Variants in SPAM1 observed in about 807,000 individuals in gnomAD.
SPAM1 encodes the protein hyaluronidase PH-20.
Under a neutral mutation model 29.6 loss-of-function variants are expected in SPAM1, and 22 were observed. That is an observed-to-expected ratio of 0.74 (90% CI 0.53 to 1.06). SPAM1 has a LOEUF of 1.06. SPAM1 is among the 50% of genes least tolerant of loss of function. SPAM1 has a pLI of 0.00. For missense variants in SPAM1, 534 were observed against 604.0 expected (o/e 0.88, Z 1.21); for synonymous variants, 194 against 204.6 (o/e 0.95, Z 0.44).
chr7:123,968,596 C>G (rs539244152), intron 5 of SPAM1, among the ~76,000 whole-genome samples: 22 of 151,640 alleles, frequency 1.5e-4, no homozygotes, highest in African/African-American at 5.3e-4. Context: ...GGTATCTTGA[C>G]AATTTTTTTT....
At chr7:123,928,758 T>C (rs886275943) in intron 1 of SPAM1, among the ~76,000 whole-genome samples, 1 of 152,168 alleles carries the variant, frequency 6.6e-6, no homozygotes, top group Non-Finnish European at 1.5e-5. Flanking sequence ...GAGAGATTGT[T>C]TAAGCTTTCC....
intron 1 of SPAM1, chr7:123,947,578 C>CACACACACA (rs1808620142): frequency 6.8e-6 from 1 of 147,648 alleles, no homozygotes; most frequent in African/African-American, 2.5e-5. Context: ...GATTAAAACA[C>CACACACACA]CACACACACA....
chr7:123,937,669 G>C (rs750407272), intron 1 of SPAM1, among the ~76,000 whole-genome samples: 2 of 150,986 alleles, frequency 1.3e-5, no homozygotes, highest in Non-Finnish European at 2.9e-5. Context: ...GTGGAATTTA[G>C]ATAGATTTAG....
intron 1 of SPAM1, among the ~76,000 whole-genome samples, chr7:123,928,561 T>G (rs551572586): frequency 2.5e-4 from 38 of 152,304 alleles, no homozygotes; most frequent in African/African-American, 8.2e-4. Context: ...CGAAACAGGC[T>G]TCCCTGGAAT....
At chr7:123,936,757 G>T (rs1478888142) in intron 1 of SPAM1, among the ~76,000 whole-genome samples, 1 of 152,190 alleles carries the variant, frequency 6.6e-6, no homozygotes, top group Non-Finnish European at 1.5e-5. Flanking sequence ...TCTCAGAGTG[G>T]AGGGGCTGAC....
chr7:123,951,925 C>A (rs537471990), intron 2 of SPAM1, among the ~76,000 whole-genome samples: 1 of 152,188 alleles, frequency 6.6e-6, no homozygotes, highest in Non-Finnish European at 1.5e-5. Flanking sequence ...CCCAGCTCCC[C>A]ATCTTTTTCT....
chr7:123,969,036 C>A (rs1019107396), intron 5 of SPAM1, among the ~76,000 whole-genome samples: 1 of 152,018 alleles, frequency 6.6e-6, no homozygotes, highest in Non-Finnish European at 1.5e-5. Context: ...GAAACTGAGA[C>A]CTTACTCTGA....
chr7:123,943,183 A>G (rs1808479606), intron 1 of SPAM1, among the ~76,000 whole-genome samples: 1 of 152,200 alleles, frequency 6.6e-6, no homozygotes, highest in Non-Finnish European at 1.5e-5. Flanking sequence ...TAGTCTATGC[A>G]GTTAACTCCT....
chr7:123,970,279 T>C (rs1440731235), exon 6 of SPAM1: 4 of 1,546,756 alleles, frequency 2.6e-6, no homozygotes, highest in Non-Finnish European at 3.5e-6. Context: ...GTTTCAGGCC[T>C]CTTCCCTTGG....
At chr7:123,926,924 T>C (rs1807905334) in intron 1 of SPAM1, among the ~76,000 whole-genome samples, 1 of 152,148 alleles carries the variant, frequency 6.6e-6, no homozygotes, top group African/African-American at 2.4e-5. Flanking sequence ...GGCTCTTAGT[T>C]GATTATCTTC....
At chr7:123,938,466 A>G (rs1198038485) in intron 1 of SPAM1, among the ~76,000 whole-genome samples, 1 of 152,214 alleles carries the variant, frequency 6.6e-6, no homozygotes, top group Non-Finnish European at 1.5e-5. Context: ...AAGAGGAAAC[A>G]TACTTGTTGC....
chr7:123,927,667 A>G (rs1379310356), intron 1 of SPAM1, among the ~76,000 whole-genome samples: 1 of 152,182 alleles, frequency 6.6e-6, no homozygotes, highest in African/African-American at 2.4e-5. Context: ...TAGTTCTTTT[A>G]GGAGAACGAG....
chr7:123,960,341 C>A (rs933157383), downstream of SPAM1, among the ~76,000 whole-genome samples: 1 of 151,804 alleles, frequency 6.6e-6, no homozygotes, highest in Non-Finnish European at 1.5e-5. Flanking sequence ...TTTAAGAACT[C>A]GAAAGTGAAA....
rs757810664 is a variant in SPAM1 at position 123,955,020 on chromosome 7, C to T, written c.978C>T (p.Gly326=). Residue 326 remains glycine (G), a synonymous_variant, in exon 4 of 5, where the codon GGC becomes GGT. Transcript: ENST00000682466. ...LSQDELVYTF[G]ETVALGASGI... Reference sequence around the variant, plus strand: ...AGGATGAACTTGTGTATACATTTGGCGAAACTGTTGCTCTGGGTGCTTCTG... The same window carrying T: ...AGGATGAACTTGTGTATACATTTGGTGAAACTGTTGCTCTGGGTGCTTCTG... 6 of 1,610,980 alleles carry T rather than the reference C, an allele frequency of 3.7e-6. No homozygotes were observed. The highest frequency in any genetic ancestry group is 1.7e-5 in the Admixed American group (1 of 59,838).
intron 1 of SPAM1, among the ~76,000 whole-genome samples, chr7:123,930,047 G>T (rs1808023379): frequency 6.6e-6 from 1 of 151,950 alleles, no homozygotes; most frequent in Admixed American, 6.6e-5. Context: ...GTTTGGAATT[G>T]AGAGTAAAGG....
chr7:123,938,087 C>CTTT (rs112674188), intron 1 of SPAM1, among the ~76,000 whole-genome samples: 5 of 137,096 alleles, frequency 3.6e-5, no homozygotes, highest in Admixed American at 1.5e-4. Context: ...ACAAAATGTG[C>CTTT]TTTTTTTTTT....
chr7:123,928,231 C>T (rs974187607), intron 1 of SPAM1, among the ~76,000 whole-genome samples: 4 of 151,950 alleles, frequency 2.6e-5, no homozygotes, highest in Admixed American at 1.3e-4. Context: ...CAGGTAACGC[C>T]CATTGACTGT....
chr7:123,955,238 T>A (rs1418346339), intron 4 of SPAM1, 152 bp downstream of exon 4: 1 of 561,066 alleles, frequency 1.8e-6, no homozygotes, highest in African/African-American at 1.9e-5. Context: ...AATACATTTG[T>A]GTGGTGGTTG....
intron 5 of SPAM1, among the ~76,000 whole-genome samples, chr7:123,969,855 G>A (rs959396169): frequency 2.0e-5 from 3 of 151,790 alleles, no homozygotes; most frequent in South Asian, 2.1e-4. Flanking sequence ...TATTTTGATA[G>A]GGATTGCATC....
Sources: gnomAD v4.1 joint callset for allele counts (sites outside exome capture counted in the v4.1 genomes callset) on GRCh38, gnomAD v4.1.1 for gene constraint, MANE v1.5 for transcripts, NCBI Gene and HGNC (gene_info 2026-07-23, HGNC 2026-07-21) for gene names.